EPHA5: variants seen among roughly 807,000 people sequenced by gnomAD.
The protein encoded by EPHA5 is ephrin type-A receptor 5.
In EPHA5, 60 loss-of-function variants were observed where a neutral mutation model predicts 105.0. The observed-to-expected ratio is 0.57, with a 90% confidence interval of 0.46 to 0.71. The LOEUF (loss-of-function observed/expected upper bound fraction) is 0.71, where lower values mean the gene tolerates loss of function less well. EPHA5 is among the 30% of genes least tolerant of loss of function. The pLI is 0.00. For synonymous variants in EPHA5, 513 were observed against 449.1 expected, an observed-to-expected ratio of 1.14 and a Z score of -1.80; for missense variants, 1,218 against 1,274.7, an observed-to-expected ratio of 0.96 and a Z score of 0.68.
At chr4:65,325,389 T>C (rs1719978470) in intron 16 of EPHA5, among the ~76,000 whole-genome samples, 1 of 151,392 alleles carries the variant, frequency 6.6e-6, no homozygotes, top group Admixed American at 6.6e-5. Flanking sequence ...TTTTCCAAAA[T>C]AGTATTTTAG....
At chr4:65,449,700 C>T (rs918147044) in intron 5 of EPHA5, among the ~76,000 whole-genome samples, 1 of 152,006 alleles carries the variant, frequency 6.6e-6, no homozygotes, top group Non-Finnish European at 1.5e-5. Flanking sequence ...CTTTGCAGGA[C>T]CATGTTAAAA....
intron 3 of EPHA5, among the ~76,000 whole-genome samples, chr4:65,549,468 T>C (rs1329665269): frequency 6.6e-6 from 1 of 152,136 alleles, no homozygotes; most frequent in Non-Finnish European, 1.5e-5. Flanking sequence ...ATAATATGTG[T>C]TGTTTGAAAT....
At chr4:65,423,170 T>C (rs575506958) in intron 5 of EPHA5, among the ~76,000 whole-genome samples, 1 of 152,110 alleles carries the variant, frequency 6.6e-6, no homozygotes, top group South Asian at 2.1e-4. Flanking sequence ...TAATTTAATG[T>C]TTTTTCATGA....
intron 3 of EPHA5, among the ~76,000 whole-genome samples, chr4:65,502,852 T>C (rs1226696922): frequency 6.6e-6 from 1 of 151,688 alleles, no homozygotes; most frequent in African/African-American, 2.4e-5. Flanking sequence ...AGCAAAGGCA[T>C]GAATCAACCT....
chr4:65,520,344 G>T (rs1347726254), intron 3 of EPHA5, among the ~76,000 whole-genome samples: 1 of 152,142 alleles, frequency 6.6e-6, no homozygotes, highest in Non-Finnish European at 1.5e-5. Context: ...GCTGAAACTG[G>T]ATCCCTTCCT....
At chr4:65,451,894 C>T (rs1024806926) in intron 5 of EPHA5, among the ~76,000 whole-genome samples, 2 of 152,164 alleles carry the variant, frequency 1.3e-5, no homozygotes, top group Non-Finnish European at 2.9e-5. Flanking sequence ...AGGTGACTGG[C>T]TGCTGCCAGA....
chr4:65,387,727 T>C (rs978957811), intron 8 of EPHA5, among the ~76,000 whole-genome samples: 3 of 151,998 alleles, frequency 2.0e-5, no homozygotes, highest in Non-Finnish European at 4.4e-5. Context: ...GAGGTTCCCA[T>C]GTATTACAAA....
At chr4:65,658,652 G>T (rs1578713613) in intron 1 of EPHA5, among the ~76,000 whole-genome samples, 1 of 151,994 alleles carries the variant, frequency 6.6e-6, no homozygotes, top group East Asian at 1.9e-4. Flanking sequence ...AAGCCATATT[G>T]TTATAATAAT....
intron 4 of EPHA5, among the ~76,000 whole-genome samples, chr4:65,490,998 T>G (rs1336088065): frequency 1.3e-5 from 2 of 152,234 alleles, no homozygotes; most frequent in East Asian, 1.9e-4. Context: ...TGCACAAATA[T>G]TATAAGATAA....
chr4:65,645,577 C>T (rs1245706665), intron 1 of EPHA5, among the ~76,000 whole-genome samples: 1 of 151,322 alleles, frequency 6.6e-6, no homozygotes, highest in African/African-American at 2.4e-5. Context: ...CAGTTAACTG[C>T]ACTTGAATTA....
intron 5 of EPHA5, among the ~76,000 whole-genome samples, chr4:65,468,569 TA>T (rs1728955369): frequency 1.0e-4 from 2 of 19,802 alleles, no homozygotes; most frequent in Admixed American, 5.5e-4. Context: ...TTATATATTA[TA>T]TATATATATG....
At chr4:65,457,717 C>T (rs1487110817) in intron 5 of EPHA5, among the ~76,000 whole-genome samples, 1 of 151,840 alleles carries the variant, frequency 6.6e-6, no homozygotes, top group African/African-American at 2.4e-5. Flanking sequence ...CAGCTAAGCA[C>T]CTACTACACC....
chr4:65,609,209 G>A (rs1378975870), intron 2 of EPHA5, among the ~76,000 whole-genome samples: 1 of 152,020 alleles, frequency 6.6e-6, no homozygotes, highest in Non-Finnish European at 1.5e-5. Context: ...TGATTCTTTA[G>A]AAAATAAATA....
chr4:65,559,930 T>A (rs1048609027), intron 3 of EPHA5, among the ~76,000 whole-genome samples: 3 of 152,190 alleles, frequency 2.0e-5, no homozygotes, highest in Admixed American at 2.0e-4. Flanking sequence ...TTCTTATGTA[T>A]ATTTACAAAA....
intron 3 of EPHA5, among the ~76,000 whole-genome samples, chr4:65,589,712 T>C (rs1560740894): frequency 1.3e-5 from 2 of 152,138 alleles, no homozygotes. Context: ...TCAGTCTGGT[T>C]CTAAAAAAAG....
At chr4:65,622,241 T>C (rs144784330) in intron 2 of EPHA5, among the ~76,000 whole-genome samples, 104 of 152,246 alleles carry the variant, frequency 6.8e-4, no homozygotes, top group African/African-American at 2.2e-3. Flanking sequence ...AAACTTATTA[T>C]AGTTTTTGAT....
intron 2 of EPHA5, among the ~76,000 whole-genome samples, chr4:65,626,387 A>T (rs577935808): frequency 1.3e-3 from 193 of 152,312 alleles, no homozygotes; most frequent in African/African-American, 4.4e-3. Flanking sequence ...TATAAAAAAT[A>T]TTGCTAATAG....
At chr4:65,626,043 G>A (rs1438778395) in intron 2 of EPHA5, among the ~76,000 whole-genome samples, 4 of 149,936 alleles carry the variant, frequency 2.7e-5, no homozygotes, top group African/African-American at 9.8e-5. Context: ...GGAGCTTGCA[G>A]TGAGCCGAGA....
At chr4:65,324,311 C>G (rs1167067890) in intron 16 of EPHA5, 92 bp from the exon 17 acceptor site, 2 of 792,486 alleles carry the variant, frequency 2.5e-6, no homozygotes, top group African/African-American at 3.5e-5. Flanking sequence ...ATAGTGCAGA[C>G]ACTAGTTAGA....
Sources: allele counts gnomAD v4.1 joint callset (sites outside exome capture counted in the v4.1 genomes callset), GRCh38; gene constraint gnomAD v4.1.1; transcripts MANE v1.5; gene names NCBI Gene and HGNC (gene_info 2026-07-23, HGNC 2026-07-21).